WDR88: variants seen among roughly 807,000 people sequenced by gnomAD.
WDR88 encodes WD repeat-containing protein 88.
In WDR88, 40 loss-of-function variants were observed where a neutral mutation model predicts 46.8. The observed-to-expected ratio is 0.86, with a 90% CI of 0.66 to 1.11. The LOEUF is 1.11. WDR88 is among the 50% of genes most tolerant of loss of function. The pLI, the probability that WDR88 is intolerant of heterozygous loss-of-function variation, is 0.00. For missense variants in WDR88, 562 were observed against 602.4 expected, an observed-to-expected ratio of 0.93 and a Z score of 0.70; for synonymous variants, 235 against 240.7, an observed-to-expected ratio of 0.98 and a Z score of 0.22.
chr19:33,140,776 G>C (rs1003735061), intron 2 of WDR88, among the ~76,000 whole-genome samples: 9 of 150,608 alleles, frequency 6.0e-5, no homozygotes, highest in Non-Finnish European at 1.3e-4. Context: ...GGCGACGGTG[G>C]GAGACTCCGT....
chr19:33,145,038 G>C, intron 3 of WDR88, 106 bp downstream of exon 3: 1 of 1,071,658 alleles, frequency 9.3e-7, no homozygotes, highest in Non-Finnish European at 1.4e-6. Flanking sequence ...ATAGATATGG[G>C]GTCTCACCAT....
intron 7 of WDR88, among the ~76,000 whole-genome samples, chr19:33,159,499 G>T (rs903664471): frequency 3.3e-5 from 5 of 152,158 alleles, no homozygotes; most frequent in Middle Eastern, 3.2e-3. Context: ...TACAGCTGTT[G>T]GTTGTGAGTT....
chr19:33,166,672 G>A lies in WDR88; in HGVS notation c.1149+2407G>A, dbSNP rs571300386. ...CATGCCTGTAATCCTAGCACTTTGG[G>A]AGGCAGAGGTGGGAGGTCTGCTTGA... On this transcript the variant is annotated intron_variant, in intron 9 of 10. Transcript: ENST00000355868. Among the ~76,000 whole-genome samples, 6 of 152,280 alleles carry A rather than the reference G, an allele frequency of 3.9e-5. No individual in the cohort carries two copies. In the South Asian group the frequency reaches 1.2e-3, roughly 32 times the overall value.
intron 5 of WDR88, among the ~76,000 whole-genome samples, chr19:33,149,360 C>CA (rs932059477): frequency 3.3e-5 from 5 of 152,016 alleles, no homozygotes; most frequent in South Asian, 2.1e-4. Context: ...AACAAACAAA[C>CA]AAAAAAACAC....
chr19:33,135,120 G>T (rs1973235800), intron 1 of WDR88, among the ~76,000 whole-genome samples: 1 of 151,438 alleles, frequency 6.6e-6, no homozygotes, highest in Admixed American at 6.6e-5. Context: ...GTTTTACTGA[G>T]ATATAATTCA....
intron 2 of WDR88, among the ~76,000 whole-genome samples, chr19:33,140,275 A>G (rs1033694752): frequency 1.3e-5 from 2 of 151,470 alleles, no homozygotes; most frequent in Admixed American, 6.6e-5. Flanking sequence ...CCATCTCAAC[A>G]CCCCGAGTAG....
intron 2 of WDR88, among the ~76,000 whole-genome samples, chr19:33,144,357 A>C (rs11670344): frequency 0.44 from 67,355 of 151,836 alleles, 16,024 homozygotes; most frequent in South Asian, 0.67. Flanking sequence ...GCGCCACCAC[A>C]CCCAGCTAAT....
At chr19:33,142,267 GCCAATGGGA>G (rs1279797355) in intron 2 of WDR88, among the ~76,000 whole-genome samples, 3 of 152,200 alleles carry the variant, frequency 2.0e-5, no homozygotes, top group African/African-American at 7.2e-5. Context: ...TGGAGTGGCA[GCCAATGGGA>G]CCAGCTAAGG....
chr19:33,175,445 C>G lies in WDR88; in HGVS notation c.1292C>G (p.Ser431Cys). The G allele has an allele frequency of 6.2e-7, 1 of 1,614,198 alleles. No homozygotes were observed. Among genetic ancestry groups the G allele is most frequent in the South Asian group, 1.1e-5 (1 of 91,084 alleles). ...TCCATCTTCAAGAGTGACACCTCTT[C>G]TGAAATGTTCACCCAATGCGTGTTC... ...PFSIFKSDTSSEMFTQCVFCR... is the reference protein window; with the variant it reads ...PFSIFKSDTSCEMFTQCVFCR... Residue 431 changes from serine to cysteine, a missense_variant, in exon 11 of 11, where the codon TCT becomes TGT. Ser to Cys is a moderately radical substitution (Grantham distance 112, BLOSUM62 -1). Coordinates refer to ENST00000355868, the MANE Select transcript of WDR88 (RefSeq NM_173479.4).
intron 3 of WDR88, among the ~76,000 whole-genome samples, chr19:33,145,914 T>C (rs543983389): frequency 6.6e-6 from 1 of 152,210 alleles, no homozygotes; most frequent in Non-Finnish European, 1.5e-5. Flanking sequence ...TATGTTTTTT[T>C]GTACAAGAAA....
chr19:33,147,146 A>C (rs1973535453), intron 3 of WDR88, among the ~76,000 whole-genome samples: 1 of 151,420 alleles, frequency 6.6e-6, no homozygotes, highest in Non-Finnish European at 1.5e-5. Flanking sequence ...CTGAGGTAGG[A>C]GGATCACTTG....
At chr19:33,135,394 G>A (rs1289561071) in intron 1 of WDR88, among the ~76,000 whole-genome samples, 2 of 152,122 alleles carry the variant, frequency 1.3e-5, no homozygotes, top group East Asian at 3.9e-4. Flanking sequence ...TCATTACCAA[G>A]TAATATTCTG....
intron 8 of WDR88, among the ~76,000 whole-genome samples, chr19:33,162,411 C>A (rs1973883737): frequency 6.6e-6 from 1 of 151,682 alleles, no homozygotes; most frequent in African/African-American, 2.4e-5. Context: ...GATGGTGTTT[C>A]ACCATGTTAG....
intron 9 of WDR88, among the ~76,000 whole-genome samples, chr19:33,168,002 G>A (rs921086209): frequency 7.9e-4 from 118 of 148,792 alleles, no homozygotes; most frequent in Middle Eastern, 3.5e-3. Flanking sequence ...ACAGGTGTGA[G>A]CCACCATGCC....
At chr19:33,141,735 C>T (rs1428373534) in intron 2 of WDR88, among the ~76,000 whole-genome samples, 1 of 152,126 alleles carries the variant, frequency 6.6e-6, no homozygotes. Flanking sequence ...GGCTGGAGTG[C>T]AGTGGCGTGG....
intron 2 of WDR88, among the ~76,000 whole-genome samples, chr19:33,139,407 G>C (rs765430917): frequency 6.6e-6 from 1 of 152,230 alleles, no homozygotes; most frequent in South Asian, 2.1e-4. Context: ...CTGGGGCTGG[G>C]ACTCATGGGA....
At chr19:33,136,019 A>G (rs1973258269) in intron 1 of WDR88, among the ~76,000 whole-genome samples, 1 of 150,462 alleles carries the variant, frequency 6.6e-6, no homozygotes, top group Non-Finnish European at 1.5e-5. Context: ...CCTCCCAAGT[A>G]GCTGGGATTA....
At chr19:33,157,597 ATATATG>A (rs1973768252) in intron 7 of WDR88, among the ~76,000 whole-genome samples, 1 of 143,944 alleles carries the variant, frequency 6.9e-6, no homozygotes, top group Non-Finnish European at 1.5e-5. Context: ...ATATATGTGT[ATATATG>A]TATATATATG....
chr19:33,148,908 A>G lies in WDR88; in HGVS notation c.677A>G (p.Lys226Arg). 2 of 1,614,052 alleles carry G rather than the reference A, an allele frequency of 1.2e-6. No individual in the cohort carries two copies. Among genetic ancestry groups the G allele is most frequent in the Non-Finnish European group, 1.7e-6 (2 of 1,179,998 alleles). ...AACATCACCACCGTTTCCGTCATCAAAGGTGAGGGTGTGCGGGCTCCCTGT... is the reference window on the plus strand; with the variant it reads ...AACATCACCACCGTTTCCGTCATCAGAGGTGAGGGTGTGCGGGCTCCCTGT... ...AENITTVSVI[K>R]DHHTRSITSC... The change falls in exon 5 of 11, where the codon AAA becomes AGA. Residue 226 changes from lysine to arginine, a missense_variant and splice_region_variant. Physicochemically the swap from Lys to Arg is conservative, Grantham distance 26. Transcript: ENST00000355868.
Sources: allele counts gnomAD v4.1 joint callset (sites outside exome capture counted in the v4.1 genomes callset), GRCh38; gene constraint gnomAD v4.1.1; transcripts MANE v1.5; gene names NCBI Gene and HGNC (gene_info 2026-07-23, HGNC 2026-07-21).